ABLIM3: variants seen among roughly 807,000 people sequenced by gnomAD.
ABLIM3 encodes the protein actin-binding LIM protein 3.
A neutral mutation model predicts 109.5 loss-of-function variants in ABLIM3; 61 were observed. That is an observed-to-expected ratio of 0.56 (90% confidence interval 0.45 to 0.69). The LOEUF (loss-of-function observed/expected upper bound fraction) is 0.69. ABLIM3 is among the 30% of genes least tolerant of loss of function. ABLIM3 has a pLI of 0.00. For synonymous variants in ABLIM3, 300 were observed against 324.8 expected (o/e 0.92, Z 0.82); for missense variants, 796 against 889.5 (o/e 0.89, Z 1.34).
intron 2 of ABLIM3, among the ~76,000 whole-genome samples, chr5:149,172,271 A>G (rs1755508276): frequency 6.6e-6 from 1 of 152,254 alleles, no homozygotes; most frequent in African/African-American, 2.4e-5. Flanking sequence ...AAATATCAGT[A>G]CATATCATAT....
intron 8 of ABLIM3, among the ~76,000 whole-genome samples, chr5:149,229,852 C>T (rs376929460): frequency 2.6e-5 from 4 of 152,154 alleles, no homozygotes; most frequent in South Asian, 2.1e-4. Flanking sequence ...ATTGGCCTTT[C>T]GGGTTTGGGG....
chr5:149,189,679 G>A (rs1454224448), intron 3 of ABLIM3, among the ~76,000 whole-genome samples: 1 of 152,176 alleles, frequency 6.6e-6, no homozygotes, highest in Non-Finnish European at 1.5e-5. Flanking sequence ...CTACTAGAAT[G>A]GCTATAATCA....
chr5:149,241,471 T>C (rs1752833830), intron 14 of ABLIM3, among the ~76,000 whole-genome samples: 1 of 152,056 alleles, frequency 6.6e-6, no homozygotes, highest in Admixed American at 6.5e-5. Flanking sequence ...AGCTGAAAGA[T>C]GAGAAGGGGC....
At position 149,251,351 on chromosome 5, in the gene ABLIM3, T is replaced by C. The variant is rs1418962027; in HGVS notation, c.1789-8T>C. The C allele has an allele frequency of 1.2e-6, 2 of 1,614,072 alleles. No homozygotes were observed. The highest frequency in any genetic ancestry group is 1.1e-5 in the South Asian group (1 of 91,048). ...CTCAGGCCAGCCGTGGTTCTGTCTC[T>C]TCTGCAGACACCCAGCGCAGACCTC... On this transcript the variant is annotated splice_polypyrimidine_tract_variant and splice_region_variant and intron_variant, in intron 20 of 23. Transcript: ENST00000309868.
chr5:149,191,712 A>G (rs186465878), intron 3 of ABLIM3, among the ~76,000 whole-genome samples: 2 of 152,244 alleles, frequency 1.3e-5, no homozygotes, highest in Admixed American at 1.3e-4. Context: ...AGTTGAGTTT[A>G]TTCTAGAAAT....
At chr5:149,211,953 A>G (rs1355280398) in intron 7 of ABLIM3, among the ~76,000 whole-genome samples, 1 of 152,096 alleles carries the variant, frequency 6.6e-6, no homozygotes. Flanking sequence ...GATTTGGCTG[A>G]ATTAATGATT....
At chr5:149,251,252 G>A in intron 20 of ABLIM3, 107 bp from the exon 21 acceptor site, 2 of 1,206,812 alleles carry the variant, frequency 1.7e-6, no homozygotes, top group Non-Finnish European at 2.4e-6. Context: ...TGCTGAGAAG[G>A]CCCTATGTCC....
chr5:149,178,607 C>T (rs377422016), intron 2 of ABLIM3, among the ~76,000 whole-genome samples: 2 of 152,166 alleles, frequency 1.3e-5, no homozygotes, highest in Admixed American at 6.5e-5. Flanking sequence ...CAAGGTCAAG[C>T]GACTCTCAGG....
In ABLIM3 at chr5:149,181,796, C is replaced by T. The variant is rs73798017; in HGVS notation, c.14-1656C>T. ...TTTAATTAAAGAGAAATGTCAGATCCGAGGTTATGCTACAGTCTCAGAGGC... is the reference window on the plus strand; with the variant it reads ...TTTAATTAAAGAGAAATGTCAGATCTGAGGTTATGCTACAGTCTCAGAGGC... On this transcript the variant is annotated intron_variant, in intron 2 of 23. Transcript: ENST00000309868. Among the ~76,000 whole-genome samples the T allele has an allele frequency of 7.4e-3, 1,133 of 152,228 alleles. 19 individuals carry two copies. The highest frequency in any genetic ancestry group is 0.025 in the African/African-American group (1,054 of 41,538).
At chr5:149,142,247 T>C (rs111914167) in intron 2 of ABLIM3, 139 bp downstream of exon 2, 23,601 of 1,212,148 alleles carry the variant, frequency 0.019, 456 homozygotes, top group Middle Eastern at 0.066. Flanking sequence ...TTTTTGGTGC[T>C]TTCCGTGCTC....
intron 2 of ABLIM3, among the ~76,000 whole-genome samples, chr5:149,176,084 C>G (rs1260772317): frequency 6.6e-6 from 1 of 152,122 alleles, no homozygotes; most frequent in Admixed American, 6.5e-5. Flanking sequence ...GTGAAAGGAC[C>G]CAGGGGTTCC....
At chr5:149,173,597 A>G (rs1755643487) in intron 2 of ABLIM3, among the ~76,000 whole-genome samples, 1 of 152,188 alleles carries the variant, frequency 6.6e-6, no homozygotes, top group East Asian at 1.9e-4. Context: ...GTGGCACTCC[A>G]GGCCCTACCC....
In ABLIM3 at chr5:149,183,456, T is replaced by C; in HGVS notation, c.18T>C (p.Pro6=). MNTSI[P]YQQNPYNPRG... The stretch of plus-strand genomic sequence containing the variant: ...ATCTCTTTGTTTCTTTTACAGTTCC[T>C]TATCAGCAGAATCCTTACAATCCAC... The change falls in exon 3 of 24, where the codon CCT becomes CCC. Residue 6 remains proline, a synonymous_variant. Coordinates refer to ENST00000309868, the MANE Select transcript of ABLIM3 (RefSeq NM_014945.5). 6.4e-7 allele frequency: 1 copy of C among 1,552,670 alleles called. No homozygotes were observed. Among genetic ancestry groups the C allele is most frequent in the Non-Finnish European group, 8.7e-7 (1 of 1,150,974 alleles).
intron 7 of ABLIM3, among the ~76,000 whole-genome samples, chr5:149,215,263 A>AG (rs1246707498): frequency 3.3e-5 from 5 of 152,248 alleles, no homozygotes; most frequent in African/African-American, 9.6e-5. Context: ...TCATGGTACA[A>AG]GGGAATCAGT....
At chr5:149,193,389 A>G (rs561251901) in intron 3 of ABLIM3, among the ~76,000 whole-genome samples, 168 of 152,160 alleles carry the variant, frequency 1.1e-3, no homozygotes, top group African/African-American at 3.9e-3. Context: ...TTAATTTAGA[A>G]ATAAATTTTA....
intron 3 of ABLIM3, among the ~76,000 whole-genome samples, chr5:149,197,355 C>T (rs1264153623): frequency 6.6e-6 from 1 of 152,170 alleles, no homozygotes; most frequent in East Asian, 1.9e-4. Context: ...ATGCTACCTC[C>T]TCTGAAAAGC....
chr5:149,221,876 T>C (rs1174828625), intron 8 of ABLIM3, among the ~76,000 whole-genome samples: 1 of 152,186 alleles, frequency 6.6e-6, no homozygotes, highest in Non-Finnish European at 1.5e-5. Context: ...AAATAGACTC[T>C]TCTTCTACCC....
chr5:149,182,971 T>A (rs80025095), intron 2 of ABLIM3, among the ~76,000 whole-genome samples: 3 of 151,774 alleles, frequency 2.0e-5, no homozygotes, highest in Non-Finnish European at 4.4e-5. Context: ...TTGATAGACA[T>A]GAAAATTGAG....
chr5:149,161,162 A>G (rs543632359), intron 2 of ABLIM3, among the ~76,000 whole-genome samples: 8 of 152,260 alleles, frequency 5.3e-5, no homozygotes, highest in Non-Finnish European at 1.2e-4. Context: ...CCCACAGCTC[A>G]TCTGCCCGCG....
Sources: gnomAD v4.1 joint callset for allele counts (sites outside exome capture counted in the v4.1 genomes callset) on GRCh38, gnomAD v4.1.1 for gene constraint, MANE v1.5 for transcripts, NCBI Gene and HGNC (gene_info 2026-07-23, HGNC 2026-07-21) for gene names.